Variants in MICOS10 observed in about 807,000 individuals in gnomAD.
MICOS10 encodes mitochondrial contact site and cristae organizing system subunit 10.
In MICOS10, 5 loss-of-function variants were observed where a neutral mutation model predicts 13.4. That is an observed-to-expected ratio of 0.37 (90% confidence interval 0.20 to 0.78). MICOS10 has a LOEUF of 0.78. Ranked by LOEUF, MICOS10 falls within the 30% of genes least tolerant of loss-of-function variation. MICOS10 has a pLI of 0.47. For missense variants in MICOS10, 101 were observed against 94.6 expected, an observed-to-expected ratio of 1.07 and a Z score of -0.28; for synonymous variants, 35 against 33.6, an observed-to-expected ratio of 1.04 and a Z score of -0.15.
At chr1:19,610,339 CAA>C (rs1409565803) in intron 1 of MICOS10, among the ~76,000 whole-genome samples, 1 of 101,822 alleles carries the variant, frequency 9.8e-6, no homozygotes, top group Non-Finnish European at 1.9e-5. Flanking sequence ...GACAGCAAAT[CAA>C]AGTCACCCCA....
rs563541243 is a variant in MICOS10, at chr1:19,598,104, C to G, written c.64+995C>G. 19 of 152,318 alleles carry G rather than the reference C, an allele frequency of 1.2e-4. No individual in the cohort carries two copies. The East Asian group carries it at 3.5e-3, about 28-fold the overall frequency. The allele number at this position is 152,318 out of a possible 1,614,324, so 9.4% of individuals were successfully genotyped here. A position where few individuals can be genotyped will look rare whatever the true frequency, so the allele number is the denominator to read the frequency against. On this transcript the variant is annotated intron_variant, in intron 1 of 3. Coordinates refer to ENST00000322753, the MANE Select transcript of MICOS10 (RefSeq NM_001032363.4). ...TTCTGGTTTAGTCACTGCCCCATCC[C>G]CAGCCCCTAAAAGAGTGCTTAATAA...
At chr1:19,608,657 T>A (rs1474309440) in intron 1 of MICOS10, 1 of 639,642 alleles carries the variant, frequency 1.6e-6, no homozygotes, top group Non-Finnish European at 2.8e-6. Context: ...GAAAATCCTT[T>A]GTGACCTTGG....
At position 19,612,113 on chromosome 1, in the gene MICOS10, A is replaced by T. The variant is rs559747419; in HGVS notation, c.65-9987A>T. Among the ~76,000 whole-genome samples, 5 of 150,440 alleles carry T rather than the reference A, an allele frequency of 3.3e-5. No homozygotes were observed. In the East Asian group the frequency reaches 1.0e-3, roughly 31 times the overall value. ...GATGGAGTGCAGTGGCGCGATCTCCACTCACTGCAAGCTCTGCCTTCTGGG... is the reference window on the plus strand; with the variant it reads ...GATGGAGTGCAGTGGCGCGATCTCCTCTCACTGCAAGCTCTGCCTTCTGGG... On this transcript the variant is annotated intron_variant, in intron 1 of 3. Transcript: ENST00000322753.
At chr1:19,610,481 C>T (rs572114628) in intron 1 of MICOS10, among the ~76,000 whole-genome samples, 42 of 144,798 alleles carry the variant, frequency 2.9e-4, no homozygotes, top group African/African-American at 9.1e-4. Context: ...TGGGCTCAAG[C>T]GATCTTGCTG....
At position 19,622,130 on chromosome 1, in the gene MICOS10, C is replaced by T. The variant is rs1190670786; in HGVS notation, c.95C>T (p.Ser32Leu). The stretch of plus-strand genomic sequence containing the variant: ...GGTTTTGGATTAGGAATTGTTTTCT[C>T]ACTTACCTTCTTTAAAAGTAAGTGT... The part of the protein sequence containing the change: ...GTGFGLGIVF[S>L]LTFFKRRMWP... Residue 32 changes from serine (S) to leucine (L), a missense_variant, in exon 2 of 4, where the codon TCA (serine) becomes TTA (leucine). Physicochemically the swap from Ser to Leu is moderately radical, Grantham distance 145 (BLOSUM62 -2). Transcript: ENST00000322753. The T allele has an allele frequency of 1.2e-6, 2 of 1,611,970 alleles. No individual in the cohort carries two copies. The highest frequency in any genetic ancestry group is 1.7e-6 in the Non-Finnish European group (2 of 1,178,762).
At chr1:19,613,393 C>A (rs2094871438) in intron 1 of MICOS10, among the ~76,000 whole-genome samples, 1 of 152,224 alleles carries the variant, frequency 6.6e-6, no homozygotes, top group Admixed American at 6.5e-5. Flanking sequence ...GCATGGATGG[C>A]ATAAAAGGTT....
At chr1:19,598,624 AAGG>A (rs1054669886) in intron 1 of MICOS10, among the ~76,000 whole-genome samples, 13 of 150,152 alleles carry the variant, frequency 8.7e-5, no homozygotes, top group Non-Finnish European at 1.6e-4. Flanking sequence ...AAAAAAAAAA[AAGG>A]AGAAGAAGAA....
At chr1:19,609,673 A>G (rs1350238452) in intron 1 of MICOS10, among the ~76,000 whole-genome samples, 1 of 152,274 alleles carries the variant, frequency 6.6e-6, no homozygotes, top group Non-Finnish European at 1.5e-5. Flanking sequence ...CTATTGTTAT[A>G]TAAAACAACA....
intron 1 of MICOS10, among the ~76,000 whole-genome samples, chr1:19,597,382 A>T (rs2094796358): frequency 6.6e-6 from 1 of 152,002 alleles, no homozygotes; most frequent in Non-Finnish European, 1.5e-5. Flanking sequence ...AGAGTCGCAG[A>T]GCTCTTGAGT....
rs371041323 is a variant in MICOS10 at position 19,596,996 on chromosome 1, C to A, written c.-50C>A. 3.2e-6 allele frequency: 5 copies of A among 1,547,260 alleles called. No homozygotes were observed. The highest frequency in any genetic ancestry group is 4.4e-6 in the Non-Finnish European group (5 of 1,149,214). Reference sequence around the variant, plus strand: ...CAGCTCTCGCGAGACTTTCAGGGGTCGGAGCGCGGGGGCCGGCCGAGAGGA... The same window carrying A: ...CAGCTCTCGCGAGACTTTCAGGGGTAGGAGCGCGGGGGCCGGCCGAGAGGA... On this transcript the variant is annotated 5_prime_UTR_variant, in exon 1 of 4. Coordinates refer to ENST00000322753, the MANE Select transcript of MICOS10 (RefSeq NM_001032363.4).
intron 1 of MICOS10, among the ~76,000 whole-genome samples, chr1:19,600,124 G>A (rs1269686587): frequency 6.6e-6 from 1 of 152,132 alleles, no homozygotes; most frequent in Non-Finnish European, 1.5e-5. Flanking sequence ...CACCAACCTA[G>A]TAAATGAAAT....
intron 1 of MICOS10, among the ~76,000 whole-genome samples, chr1:19,612,683 A>C (rs557696608): frequency 6.6e-6 from 1 of 152,288 alleles, no homozygotes; most frequent in South Asian, 2.1e-4. Context: ...AGGTAGCTCC[A>C]CTGCACTCCA....
At chr1:19,608,331 C>CT (rs1360555081) in intron 1 of MICOS10, 13 of 1,307,300 alleles carry the variant, frequency 9.9e-6, no homozygotes, top group Non-Finnish European at 1.4e-5. Context: ...TCGCCATATG[C>CT]TGCTATGTTG....
intron 1 of MICOS10, among the ~76,000 whole-genome samples, chr1:19,616,744 A>G (rs146741713): frequency 1.3e-5 from 2 of 152,314 alleles, no homozygotes; most frequent in African/African-American, 4.8e-5. Flanking sequence ...GCCATGACTC[A>G]GAGTCAGACA....
At chr1:19,603,515 G>A (rs2094823834) in intron 1 of MICOS10, among the ~76,000 whole-genome samples, 1 of 152,204 alleles carries the variant, frequency 6.6e-6, no homozygotes, top group Admixed American at 6.5e-5. Flanking sequence ...ACGCTTTGAG[G>A]AAAATCTGAT....
At position 19,623,582 on chromosome 1, in the gene MICOS10, A is replaced by C. The variant is rs756947310; in HGVS notation, c.221A>C (p.Lys74Thr). ...APYLLHGKYV[K>T]EQEQ ...TATCTTCTACATGGAAAATATGTCAAAGTATGTACAGAATATATATTTCTC... is the reference window on the plus strand; with the variant it reads ...TATCTTCTACATGGAAAATATGTCACAGTATGTACAGAATATATATTTCTC... The change falls in exon 3 of 4, where the codon AAA (lysine) becomes ACA (threonine). Residue 74 changes from lysine to threonine, a missense_variant and splice_region_variant. Transcript: ENST00000322753. 6.4e-7 allele frequency: 1 copy of C among 1,571,276 alleles called. No individual in the cohort carries two copies. Among genetic ancestry groups the C allele is most frequent in the Non-Finnish European group, 8.8e-7 (1 of 1,141,672 alleles).
intron 1 of MICOS10, among the ~76,000 whole-genome samples, chr1:19,606,959 T>C (rs2094837420): frequency 6.6e-6 from 1 of 152,268 alleles, no homozygotes; most frequent in Non-Finnish European, 1.5e-5. Context: ...TTTCTTTAAG[T>C]ATCAGTTCAT....
At chr1:19,620,063 C>T (rs1228055076) in intron 1 of MICOS10, among the ~76,000 whole-genome samples, 1 of 152,220 alleles carries the variant, frequency 6.6e-6, no homozygotes, top group Non-Finnish European at 1.5e-5. Flanking sequence ...ATATTTGCTT[C>T]CAGGGAAGGT....
At chr1:19,611,216 C>T (rs1199810129) in intron 1 of MICOS10, among the ~76,000 whole-genome samples, 2 of 151,980 alleles carry the variant, frequency 1.3e-5, no homozygotes, top group South Asian at 2.1e-4. Flanking sequence ...CTTCCCAAAG[C>T]GCTGGGATTA....
Sources: allele counts gnomAD v4.1 joint callset (sites outside exome capture counted in the v4.1 genomes callset), GRCh38; gene constraint gnomAD v4.1.1; transcripts MANE v1.5; gene names NCBI Gene and HGNC (gene_info 2026-07-23, HGNC 2026-07-21).